Variants in ZFYVE26 observed in about 807,000 individuals in gnomAD.
The protein encoded by ZFYVE26 is zinc finger FYVE-type containing 26.
In ZFYVE26, 181 loss-of-function variants were observed where a neutral mutation model predicts 276.5. The observed-to-expected ratio is 0.65, with a 90% CI of 0.58 to 0.74. ZFYVE26 has a LOEUF of 0.74. Ranked by LOEUF, ZFYVE26 falls within the 30% of genes least tolerant of loss-of-function variation. ZFYVE26 has a pLI of 0.00. For synonymous variants in ZFYVE26, 1,129 were observed against 1,203.1 expected, an observed-to-expected ratio of 0.94 and a Z score of 1.27; for missense variants, 2,821 against 3,097.9, an observed-to-expected ratio of 0.91 and a Z score of 2.12.
intron 35 of ZFYVE26, among the ~76,000 whole-genome samples, chr14:67,757,465 G>A (rs79662366): frequency 2.6e-5 from 4 of 152,100 alleles, no homozygotes; most frequent in African/African-American, 4.8e-5. Context: ...TTTGCTCCTC[G>A]TGTTCTTTGG....
rs34952009 is a variant in ZFYVE26, at chr14:67,767,816, C to T, written c.5678G>A (p.Ser1893Asn). Residue 1893 changes from serine to asparagine, a missense_variant, in exon 31 of 42, where the codon AGC (serine) becomes AAC (asparagine). Transcript: ENST00000347230. Reference protein sequence around the residue: ...PEALDSSKNESPPYSFVVRVP... With the variant: ...PEALDSSKNENPPYSFVVRVP... The stretch of plus-strand genomic sequence containing the variant: ...TCTCACCACAAACGAGTATGGAGGG[C>T]TTTCATTCTTGGAGCTGTCTAGAGC... 1.9e-6 allele frequency: 3 copies of T among 1,614,140 alleles called. No homozygotes were observed. Among genetic ancestry groups the T allele is most frequent in the Non-Finnish European group, 2.5e-6 (3 of 1,180,036 alleles).
At chr14:67,790,809 TC>T (rs2140234345) in intron 14 of ZFYVE26, 36 bp from the exon 15 acceptor site, 1 of 1,573,964 alleles carries the variant, frequency 6.4e-7, no homozygotes. Context: ...GCCCTGGTGG[TC>T]CCACTGATTT....
intron 12 of ZFYVE26, 75 bp downstream of exon 12, chr14:67,797,597 C>T: frequency 1.3e-6 from 2 of 1,485,008 alleles, no homozygotes; most frequent in South Asian, 2.3e-5. Flanking sequence ...TGACCATGTG[C>T]TGTTTCTTAA....
chr14:67,763,375 C>T lies in ZFYVE26; in HGVS notation c.6012-556G>A, dbSNP rs564249539. 4.6e-5 allele frequency among the ~76,000 whole-genome samples: 7 copies of T among 152,288 alleles called. No individual in the cohort carries two copies. The East Asian group carries it at 1.3e-3, about 29-fold the overall frequency. ...GTAAAATGGATATACAGTCATGTGC[C>T]ACATAATGACATTTCAGTTAGCAAT... On this transcript the variant is annotated intron_variant, in intron 32 of 41. Transcript: ENST00000347230.
intron 5 of ZFYVE26, 79 bp from the exon 6 acceptor site, chr14:67,806,754 G>T (rs978909966): frequency 4.5e-6 from 7 of 1,562,626 alleles, no homozygotes; most frequent in Non-Finnish European, 6.2e-6. Context: ...ACAACCAAGT[G>T]ATGTGAGAGT....
At position 67,805,528 on chromosome 14, in the gene ZFYVE26, C is replaced by T. The variant is rs753042504; in HGVS notation, c.1108G>A (p.Val370Ile). Residue 370 changes from valine (V) to isoleucine (I), a missense_variant, in exon 7 of 42, where the codon GTA becomes ATA. By Grantham distance (29) the Val-to-Ile change is conservative. Coordinates refer to ENST00000347230, the MANE Select transcript of ZFYVE26 (RefSeq NM_015346.4). ...TGGCAGTGTGTCCAGCCCAGGAGTA[C>T]AAGCAGGCAACTGAGGGGCCTGAAT... Reference protein sequence around the residue: ...REFRPLSCLLVLLGWTHCQSL... With the variant: ...REFRPLSCLLILLGWTHCQSL... 7 of 1,614,080 alleles carry T rather than the reference C, an allele frequency of 4.3e-6. No homozygotes were observed. Among genetic ancestry groups the T allele is most frequent in the Admixed American group, 1.7e-5 (1 of 60,002 alleles).
At chr14:67,786,550 G>A (rs946877722) in intron 16 of ZFYVE26, among the ~76,000 whole-genome samples, 9 of 152,194 alleles carry the variant, frequency 5.9e-5, no homozygotes, top group South Asian at 2.1e-4. Flanking sequence ...CAACTTGAGC[G>A]GAGATCATAT....
At chr14:67,778,096 G>A (rs1412402451) in intron 24 of ZFYVE26, 30 bp downstream of exon 24, 1 of 1,614,014 alleles carries the variant, frequency 6.2e-7, no homozygotes, top group Non-Finnish European at 8.5e-7. Flanking sequence ...TCCCACCCCA[G>A]AAGAAAAATG....
intron 13 of ZFYVE26, among the ~76,000 whole-genome samples, chr14:67,741,088 A>G (rs954319258): frequency 6.6e-6 from 1 of 152,180 alleles, no homozygotes; most frequent in Non-Finnish European, 1.5e-5. Context: ...AGAATTTGAC[A>G]AGTTAATGAA....
intron 28 of ZFYVE26, chr14:67,770,598 C>A (rs983049376): frequency 1.3e-5 from 2 of 151,988 alleles, no homozygotes; most frequent in African/African-American, 2.4e-5. Flanking sequence ...CTTCTCTATA[C>A]ATCCATATTC....
chr14:67,790,478 C>A, intron 15 of ZFYVE26, 94 bp downstream of exon 15: 2 of 1,349,918 alleles, frequency 1.5e-6, no homozygotes, highest in Non-Finnish European at 2.1e-6. Context: ...TTTCTGCTCA[C>A]CCTCATGAGG....
rs753792077 is a variant in ZFYVE26, at chr14:67,766,249, G to A, written c.5989C>T (p.Gln1997Ter). ...TACCTGTCACAAAGAGCCAAGTCTT[G>A]GCTCTGGCCGGCTTTGACGAACATC... ...KMMFVKAGQSQDLALCDSYIS... is the reference protein window; with the variant it reads ...KMMFVKAGQS The change falls in exon 32 of 42, where the codon CAA becomes TAA. Residue 1997 changes from glutamine (Q) to a stop codon, truncating the protein, a stop_gained. Transcript: ENST00000347230. LOFTEE classifies it high-confidence loss of function. 1 of 1,614,100 alleles carries A rather than the reference G, an allele frequency of 6.2e-7. No individual in the cohort carries two copies. The highest frequency in any genetic ancestry group is 8.5e-7 in the Non-Finnish European group (1 of 1,180,040).
At position 67,781,331 on chromosome 14, in the gene ZFYVE26, A is replaced by G. The variant is rs779242644; in HGVS notation, c.4569+2T>C. 1 of 1,614,002 alleles carries G rather than the reference A, an allele frequency of 6.2e-7. No individual in the cohort carries two copies. Among genetic ancestry groups the G allele is most frequent in the Middle Eastern group, 1.6e-4 (1 of 6,062 alleles). On this transcript the variant is annotated splice_donor_variant, in intron 22 of 41. Transcript: ENST00000347230. LOFTEE classifies it high-confidence loss of function. ...CCTTTCTCTTGATGCGAGGGCCCAT[A>G]CCTTCTGATACACCTGCAGCTCCGC...
At position 67,783,512 on chromosome 14, in the gene ZFYVE26, G is replaced by C; in HGVS notation, c.3640C>G (p.Leu1214Val). ...QVPPERLAAL[L>V]AQENLSLSVP... ...CTTAGGCTGAGATTCTCTTGGGCCA[G>C]AAGGGCTGCCAGTCTGGAAGGAGAG... Residue 1214 changes from leucine to valine, a missense_variant, in exon 21 of 42, where the codon CTG becomes GTG. Physicochemically the swap from Leu to Val is conservative, Grantham distance 32. Transcript: ENST00000347230. 1.9e-6 allele frequency: 3 copies of C among 1,613,196 alleles called. No homozygotes were observed. In the South Asian group the frequency reaches 3.3e-5, roughly 18 times the overall value.
intron 13 of ZFYVE26, 117 bp from the exon 14 acceptor site, chr14:67,793,876 G>T (rs1425035890): frequency 2.2e-6 from 3 of 1,390,726 alleles, no homozygotes; most frequent in Non-Finnish European, 3.0e-6. Context: ...TAAAAGGCCT[G>T]TAAATAGGTC....
At chr14:67,756,287 AC>A in intron 35 of ZFYVE26, 142 bp from the exon 36 acceptor site, 1 of 876,366 alleles carries the variant, frequency 1.1e-6, no homozygotes, top group Admixed American at 1.8e-5. Flanking sequence ...TGTCACAGAT[AC>A]CTTTGAGAAT....
In ZFYVE26 at chr14:67,785,873, C is replaced by T. The variant is rs1455571864; in HGVS notation, c.3289G>A (p.Ala1097Thr). 2 of 1,614,076 alleles carry T rather than the reference C, an allele frequency of 1.2e-6. No homozygotes were observed. The highest frequency in any genetic ancestry group is 2.2e-5 in the East Asian group (1 of 44,872). ...AGCCTTATACCTGGCAGCTCTAGTGCCTCTCTCAGTGACTGAAGGACCTGA... is the reference window on the plus strand; with the variant it reads ...AGCCTTATACCTGGCAGCTCTAGTGTCTCTCTCAGTGACTGAAGGACCTGA... ...LDQVLQSLREALELPEPRTPP... is the reference protein window; with the variant it reads ...LDQVLQSLRETLELPEPRTPP... The change falls in exon 18 of 42, where the codon GCA becomes ACA. Residue 1097 changes from alanine (A) to threonine (T), a missense_variant. Physicochemically the swap from Ala to Thr is moderately conservative, Grantham distance 58. Transcript: ENST00000347230.
intron 35 of ZFYVE26, among the ~76,000 whole-genome samples, chr14:67,760,158 A>G (rs2038894971): frequency 6.6e-6 from 1 of 152,224 alleles, no homozygotes; most frequent in Non-Finnish European, 1.5e-5. Context: ...GTCAGAGGGA[A>G]CGGAACTAGG....
At position 67,809,262 on chromosome 14, in the gene ZFYVE26, T is replaced by G; in HGVS notation, c.301A>C (p.Lys101Gln). The change falls in exon 4 of 42, where the codon AAG (lysine) becomes CAG (glutamine). Residue 101 changes from lysine to glutamine, a missense_variant. By Grantham distance (53) the Lys-to-Gln change is moderately conservative. Transcript: ENST00000347230. ...TCTGACAATAAAAGAAACTCAAGCT[T>G]TCTCCGGAAAACAACTGGGAGTAAC... is the stretch of plus-strand genomic sequence containing the variant. ...KKLLPVVFRR[K>Q]LEFLLLSEDL... is the part of the protein sequence containing the mutation. 1 of 1,614,076 alleles carries G rather than the reference T, an allele frequency of 6.2e-7. No homozygotes were observed. Among genetic ancestry groups the G allele is most frequent in the South Asian group, 1.1e-5 (1 of 91,082 alleles).
Sources: gnomAD v4.1 joint callset for allele counts (sites outside exome capture counted in the v4.1 genomes callset) on GRCh38, gnomAD v4.1.1 for gene constraint, MANE v1.5 for transcripts, NCBI Gene and HGNC (gene_info 2026-07-23, HGNC 2026-07-21) for gene names.